SLC2A5: variants seen among roughly 807,000 people sequenced by gnomAD.
SLC2A5 encodes the protein solute carrier family 2, facilitated glucose transporter member 5.
Under a neutral mutation model 50.3 loss-of-function variants are expected in SLC2A5, and 56 were observed. The observed-to-expected ratio is 1.11, with a 90% CI of 0.90 to 1.39. The LOEUF (loss-of-function observed/expected upper bound fraction) is 1.39, where lower values mean the gene tolerates loss of function less well. Among genes scored for constraint, SLC2A5 ranks in the 40% most tolerant of loss-of-function variants. The pLI is 0.00. For synonymous variants in SLC2A5, 269 were observed against 281.9 expected (o/e 0.95, Z 0.46); for missense variants, 566 against 650.1 (o/e 0.87, Z 1.41).
At chr1:9,055,292 T>C (rs770024) in intron 3 of SLC2A5, among the ~76,000 whole-genome samples, 107,755 of 151,904 alleles carry the variant, frequency 0.71, 38,958 homozygotes, top group East Asian at 0.95. Context: ...CCAAGGCGGG[T>C]GGATCACAAG....
intron 1 of SLC2A5, among the ~76,000 whole-genome samples, chr1:9,065,548 G>A (rs1272401648): frequency 6.6e-6 from 1 of 152,184 alleles, no homozygotes; most frequent in African/African-American, 2.4e-5. Flanking sequence ...TCACAAACAG[G>A]TAGTGGGAGG....
Position 9,038,567 on chromosome 1 carries a change from G to A in SLC2A5, c.1099-61C>T, listed in dbSNP as rs1641199724. The A allele has an allele frequency of 3.5e-6, 5 of 1,441,442 alleles. No individual in the cohort carries two copies. The South Asian group carries it at 3.5e-5, about 10-fold the overall frequency. The allele number at this position is 1,441,442 out of a possible 1,614,324, so 89.3% of individuals were successfully genotyped here. On this transcript the variant is annotated intron_variant, in intron 9 of 11. Transcript: ENST00000377424. Reference sequence around the variant, plus strand: ...ACAAGCTAGGACGGGACCCCAGGGGGCGGCCAACCTGCCCTGGTGGGTGGA... The same window carrying A: ...ACAAGCTAGGACGGGACCCCAGGGGACGGCCAACCTGCCCTGGTGGGTGGA...
chr1:9,042,067 G>A (rs1641319332), intron 4 of SLC2A5, 130 bp from the exon 5 acceptor site: 1 of 1,265,908 alleles, frequency 7.9e-7, no homozygotes, highest in Non-Finnish European at 1.1e-6. Context: ...AAAGGAGAAA[G>A]CAAACACCTC....
At chr1:9,046,698 G>GTGTA (rs1255370739) in intron 4 of SLC2A5, among the ~76,000 whole-genome samples, 1 of 150,106 alleles carries the variant, frequency 6.7e-6, no homozygotes, top group Non-Finnish European at 1.5e-5. Flanking sequence ...GTGTGTGTGT[G>GTGTA]TGTATGTGAA....
In SLC2A5 at chr1:9,077,760, A is replaced by AGAGG. The variant is rs897950832; in HGVS notation, c.-59+7250_-59+7253dup. ...AACAGGGAGAGAGGGAGGGAGGGAG[A>AGAGG]GAGGGAGGGAGGGAGGGAAAGAAGG... On this transcript the variant is annotated intron_variant, in intron 2 of 5. Transcript: ENST00000464985. Among the ~76,000 whole-genome samples the AGAGG allele has an allele frequency of 4.9e-5, 5 of 101,898 alleles. No individual in the cohort carries two copies. In the South Asian group the frequency reaches 1.7e-3, roughly 34 times the overall value. The allele number at this position is 101,898 out of a possible 152,430, so 66.8% of individuals were successfully genotyped here.
chr1:9,060,331 C>A (rs1641898548), intron 1 of SLC2A5, among the ~76,000 whole-genome samples: 1 of 127,108 alleles, frequency 7.9e-6, no homozygotes, highest in Non-Finnish European at 1.6e-5. Context: ...ACTACATACA[C>A]ACAAGCACAC....
chr1:9,041,256 C>T (rs571614016), intron 5 of SLC2A5: 266 of 399,684 alleles, frequency 6.7e-4, no homozygotes, highest in Middle Eastern at 2.5e-3. Flanking sequence ...GTGCACCTGC[C>T]GCATGCCAGG....
rs1298224020 is a variant in SLC2A5, at chr1:9,039,838, C to T, written c.847G>A (p.Val283Ile). 28 of 1,608,384 alleles carry T rather than the reference C, an allele frequency of 1.7e-5. No homozygotes were observed. Among genetic ancestry groups the T allele is most frequent in the Non-Finnish European group, 2.3e-5 (27 of 1,178,028 alleles). ...GACAGCTGCTGGCCGCCCATGAGGA[C>T]GATGATGGACAGCAGCTGCCAGCGC... ...SLRWQLLSII[V>I]LMGGQQLSGV... Residue 283 changes from valine (V) to isoleucine (I), a missense_variant, in exon 7 of 12, where the codon GTC becomes ATC. By Grantham distance (29) the Val-to-Ile change is conservative. Coordinates refer to ENST00000377424, the MANE Select transcript of SLC2A5 (RefSeq NM_003039.3).
At chr1:9,093,937 G>T in the SLC2A5 span, among the ~76,000 whole-genome samples, 1 of 152,046 alleles carries the variant, frequency 6.6e-6, no homozygotes, top group Admixed American at 6.5e-5. Flanking sequence ...CCATTTCCAG[G>T]GCAGATCAGG....
upstream of SLC2A5, among the ~76,000 whole-genome samples, chr1:9,089,309 A>G (rs565062283): frequency 3.1e-4 from 47 of 152,328 alleles, no homozygotes; most frequent in African/African-American, 1.1e-3. Context: ...GGAAAATCCT[A>G]CCCTTTTCTT....
chr1:9,090,977 G>A (rs545701081), upstream of SLC2A5, among the ~76,000 whole-genome samples: 4 of 152,234 alleles, frequency 2.6e-5, no homozygotes, highest in East Asian at 7.7e-4. Flanking sequence ...TAACATCTCC[G>A]AAAGTTTCAT....
chr1:9,072,901 G>T (rs1569915647), upstream of SLC2A5, among the ~76,000 whole-genome samples: 2 of 152,006 alleles, frequency 1.3e-5, no homozygotes. Context: ...GGCGGAAGTT[G>T]CAGTGAGCTG....
chr1:9,053,198 A>G (rs1569866122), intron 3 of SLC2A5, among the ~76,000 whole-genome samples: 1 of 89,788 alleles, frequency 1.1e-5, no homozygotes, highest in African/African-American at 4.7e-5. Context: ...TTATATATTT[A>G]TATATTATAT....
At chr1:9,071,771 G>C (rs1023026471), upstream of SLC2A5, 1 of 152,480 alleles carries the variant, frequency 6.6e-6, no homozygotes, top group African/African-American at 2.4e-5. Context: ...GCGGGGACGG[G>C]GGCGTGGCGG....
chr1:9,045,125 C>A (rs2124340067), intron 4 of SLC2A5, among the ~76,000 whole-genome samples: 1 of 152,280 alleles, frequency 6.6e-6, no homozygotes, highest in East Asian at 1.9e-4. Context: ...AGACTTCTTG[C>A]CAGGCCACAT....
chr1:9,069,808 G>C (rs3820034), upstream of SLC2A5: 2 of 473,762 alleles, frequency 4.2e-6, no homozygotes, highest in South Asian at 2.6e-5. Context: ...AACAGTCTAC[G>C]GTATTTCCCC....
intron 3 of SLC2A5, among the ~76,000 whole-genome samples, chr1:9,048,453 C>T (rs959333425): frequency 1.3e-5 from 2 of 151,888 alleles, no homozygotes; most frequent in African/African-American, 4.8e-5. Flanking sequence ...TGGAGGTTGC[C>T]GTGAGCTGAG....
At position 9,059,985 on chromosome 1, in the gene SLC2A5, TACACAC is replaced by T. The variant is rs35876125; in HGVS notation, c.34-1741_34-1736del. Among the ~76,000 whole-genome samples, 494 of 141,586 alleles carry T rather than the reference TACACAC, an allele frequency of 3.5e-3. 2 individuals are homozygous for T. Among genetic ancestry groups the T allele is most frequent in the East Asian group, 0.02 (99 of 4,856 alleles). 92.9% of individuals were successfully genotyped at this position (141,586 alleles called of 152,430 possible). On this transcript the variant is annotated intron_variant, in intron 1 of 11. Transcript: ENST00000377424. The stretch of plus-strand genomic sequence containing the variant: ...GCCCTGGTGAAGAGCAAAAACATAC[TACACAC>T]ACACACACACACACACACACACTAC...
intron 9 of SLC2A5, 105 bp from the exon 10 acceptor site, chr1:9,038,611 C>A (rs1016568555): frequency 1.6e-6 from 2 of 1,250,716 alleles, no homozygotes; most frequent in Non-Finnish European, 2.3e-6. Context: ...CCTGGCTCCT[C>A]CCCCAGCAGT....
Sources: gnomAD v4.1 joint callset for allele counts (sites outside exome capture counted in the v4.1 genomes callset) on GRCh38, gnomAD v4.1.1 for gene constraint, MANE v1.5 for transcripts, NCBI Gene and HGNC (gene_info 2026-07-23, HGNC 2026-07-21) for gene names.